The following PRR16 variants were observed in gnomAD, a reference collection of about 807,000 sequenced individuals.
PRR16 encodes proline rich 16.
In PRR16, 6 loss-of-function variants were observed where a neutral mutation model predicts 18.2. The observed-to-expected ratio is 0.33, with a 90% CI of 0.18 to 0.65. The LOEUF (loss-of-function observed/expected upper bound fraction) is 0.65, where lower values mean the gene tolerates loss of function less well. PRR16 is among the 30% of genes least tolerant of loss of function. PRR16 has a pLI of 0.74. For synonymous variants in PRR16, 151 were observed against 147.8 expected (o/e 1.02, Z -0.16); for missense variants, 412 against 376.6 (o/e 1.09, Z -0.78).
intron 1 of PRR16, among the ~76,000 whole-genome samples, chr5:120,487,031 G>A (rs895465914): frequency 2.0e-5 from 3 of 152,160 alleles, no homozygotes. Context: ...CCAGTACCAT[G>A]CTGTTTTGGT....
chr5:120,728,824 T>G, the PRR16 span, among the ~76,000 whole-genome samples: 2 of 152,310 alleles, frequency 1.3e-5, no homozygotes, highest in South Asian at 4.1e-4. Context: ...TGTCGGTGAT[T>G]ATGTTTGAAG....
intron 1 of PRR16, among the ~76,000 whole-genome samples, chr5:120,517,354 ATTCT>A (rs1383874213): frequency 6.6e-6 from 1 of 152,122 alleles, no homozygotes; most frequent in African/African-American, 2.4e-5. Context: ...CCACAGAGTG[ATTCT>A]TTATTTTCCT....
intron 1 of PRR16, among the ~76,000 whole-genome samples, chr5:120,681,833 T>C (rs1012754198): frequency 1.1e-4 from 17 of 152,348 alleles, no homozygotes; most frequent in African/African-American, 4.1e-4. Context: ...TGTTACTCTA[T>C]AAATACTTGG....
At chr5:120,506,923 G>A (rs1052461824) in intron 1 of PRR16, among the ~76,000 whole-genome samples, 15 of 152,106 alleles carry the variant, frequency 9.9e-5, no homozygotes, top group African/African-American at 3.1e-4. Flanking sequence ...TCAGAAGGGA[G>A]GCTAATGGGG....
At chr5:120,517,735 T>C (rs1261641042) in intron 1 of PRR16, among the ~76,000 whole-genome samples, 4 of 152,172 alleles carry the variant, frequency 2.6e-5, no homozygotes, top group Non-Finnish European at 5.9e-5. Context: ...AAAACTTGGC[T>C]TTATATCTGT....
chr5:120,537,980 T>G (rs931145549), intron 1 of PRR16, among the ~76,000 whole-genome samples: 18 of 151,382 alleles, frequency 1.2e-4, no homozygotes, highest in African/African-American at 2.9e-4. Flanking sequence ...GTTTCACCGT[T>G]TTAGCCGGGA....
intron 1 of PRR16, among the ~76,000 whole-genome samples, chr5:120,502,074 G>C (rs1750479209): frequency 6.6e-6 from 1 of 150,994 alleles, no homozygotes; most frequent in South Asian, 2.1e-4. Flanking sequence ...GTGTGAATTG[G>C]AACAACAGTT....
chr5:120,627,070 A>T (rs535248670), intron 1 of PRR16, among the ~76,000 whole-genome samples: 1 of 152,234 alleles, frequency 6.6e-6, no homozygotes, highest in African/African-American at 2.4e-5. Context: ...ACACTTCCTT[A>T]TAGTCAATCA....
chr5:120,726,258 A>C, the PRR16 span, among the ~76,000 whole-genome samples: 1 of 152,054 alleles, frequency 6.6e-6, no homozygotes, highest in Non-Finnish European at 1.5e-5. Context: ...CTTTGGATTC[A>C]AACAGCAGTA....
the PRR16 span, among the ~76,000 whole-genome samples, chr5:120,730,918 C>G: frequency 6.6e-6 from 1 of 152,186 alleles, no homozygotes; most frequent in South Asian, 2.1e-4. Flanking sequence ...CCTCTGGACT[C>G]AATTATCTTT....
intron 1 of PRR16, among the ~76,000 whole-genome samples, chr5:120,512,728 A>T (rs138339531): frequency 6.6e-6 from 1 of 152,272 alleles, no homozygotes; most frequent in African/African-American, 2.4e-5. Flanking sequence ...CGTTGCTGGT[A>T]GGGAGGTTCA....
the PRR16 span, among the ~76,000 whole-genome samples, chr5:120,732,387 C>T: frequency 8.6e-5 from 13 of 152,040 alleles, no homozygotes; most frequent in East Asian, 1.9e-4. Flanking sequence ...GATGCTGGTG[C>T]GGCTATATAA....
At chr5:120,640,175 G>A (rs1303958050) in intron 1 of PRR16, among the ~76,000 whole-genome samples, 1 of 152,030 alleles carries the variant, frequency 6.6e-6, no homozygotes, top group Non-Finnish European at 1.5e-5. Flanking sequence ...AACAATGGTT[G>A]AAAATCCACC....
At chr5:120,659,712 A>C (rs1756109741) in intron 1 of PRR16, among the ~76,000 whole-genome samples, 1 of 151,966 alleles carries the variant, frequency 6.6e-6, no homozygotes, top group African/African-American at 2.4e-5. Context: ...ATGAGGTTTG[A>C]AACTATCTTG....
the PRR16 span, among the ~76,000 whole-genome samples, chr5:120,714,040 AT>A: frequency 6.6e-6 from 1 of 152,058 alleles, no homozygotes; most frequent in African/African-American, 2.4e-5. Flanking sequence ...TCAGAAAACA[AT>A]TATAAGGAAA....
chr5:120,631,645 C>A (rs1008784046), intron 1 of PRR16, among the ~76,000 whole-genome samples: 4 of 152,006 alleles, frequency 2.6e-5, no homozygotes, highest in Non-Finnish European at 5.9e-5. Flanking sequence ...GGACTGAGAA[C>A]TACACTCCTA....
intron 1 of PRR16, among the ~76,000 whole-genome samples, chr5:120,530,279 A>ATT (rs1751506225): frequency 1.1e-4 from 12 of 105,060 alleles, no homozygotes; most frequent in Middle Eastern, 5.4e-3. Flanking sequence ...ATATATATAT[A>ATT]TATATTTATT....
At chr5:120,526,210 G>C (rs959831454) in intron 1 of PRR16, among the ~76,000 whole-genome samples, 53 of 152,206 alleles carry the variant, frequency 3.5e-4, no homozygotes, top group African/African-American at 1.3e-3. Context: ...TCAGCTCCTT[G>C]TCATTAATAT....
intron 1 of PRR16, among the ~76,000 whole-genome samples, chr5:120,648,504 C>T (rs1266443399): frequency 6.6e-6 from 1 of 152,054 alleles, no homozygotes; most frequent in East Asian, 1.9e-4. Flanking sequence ...AGCTTTCTGC[C>T]TGAGAGATGG....
Sources: gnomAD v4.1 joint callset for allele counts (sites outside exome capture counted in the v4.1 genomes callset) on GRCh38, gnomAD v4.1.1 for gene constraint, MANE v1.5 for transcripts, NCBI Gene and HGNC (gene_info 2026-07-23, HGNC 2026-07-21) for gene names.